SHANK2: variants seen among roughly 807,000 people sequenced by gnomAD.
SHANK2 encodes SH3 and multiple ankyrin repeat domains 2.
SHANK2 carries 43 observed loss-of-function variants against 133.7 expected under a neutral mutation model. The observed-to-expected ratio is 0.32, with a 90% CI of 0.25 to 0.41. SHANK2 has a LOEUF of 0.41. SHANK2 is among the 10% of genes least tolerant of loss of function. SHANK2 has a pLI of 1.00. For missense variants in SHANK2, 1,994 were observed against 2,235.8 expected (o/e 0.89, Z 2.18); for synonymous variants, 1,017 against 952.8 (o/e 1.07, Z -1.24).
At chr11:71,227,851 T>C (rs1001154178) in intron 1 of SHANK2, among the ~76,000 whole-genome samples, 4 of 151,794 alleles carry the variant, frequency 2.6e-5, no homozygotes, top group African/African-American at 7.3e-5. Flanking sequence ...CTCAAGAAGC[T>C]AGCAAAAGGA....
At chr11:70,599,947 GA>G (rs2060468188) in intron 17 of SHANK2, among the ~76,000 whole-genome samples, 1 of 131,484 alleles carries the variant, frequency 7.6e-6, no homozygotes, top group Non-Finnish European at 1.6e-5. Context: ...AAGAAAGAAA[GA>G]AAGAAAGAAA....
chr11:70,741,231 G>GCATCCATCCATCCATC (rs61208287), intron 14 of SHANK2, among the ~76,000 whole-genome samples: 2 of 143,190 alleles, frequency 1.4e-5, no homozygotes, highest in East Asian at 2.1e-4. Flanking sequence ...ATTTAACCAT[G>GCATCCATCCATCCATC]CATCCATCCA....
intron 9 of SHANK2, among the ~76,000 whole-genome samples, chr11:71,069,240 T>C (rs1013837677): frequency 1.8e-4 from 27 of 150,840 alleles, no homozygotes; most frequent in Admixed American, 1.7e-3. Flanking sequence ...ACCATCACCA[T>C]TACCATGGTT....
At chr11:71,087,480 T>A (rs947510240) in intron 8 of SHANK2, among the ~76,000 whole-genome samples, 3 of 152,134 alleles carry the variant, frequency 2.0e-5, no homozygotes, top group Admixed American at 6.6e-5. Context: ...TTAGCCTGCA[T>A]CACACCTTCA....
Position 70,827,642 on chromosome 11 carries a change from T to G in SHANK2, c.1175-6960A>C, listed in dbSNP as rs1488756736. Among the ~76,000 whole-genome samples, 156 of 144,382 alleles carry G rather than the reference T, an allele frequency of 1.1e-3. 2 individuals are homozygous for G. Among genetic ancestry groups the G allele is most frequent in the Admixed American group, 3.1e-3 (46 of 14,862 alleles). The allele number at this position is 144,382 out of a possible 152,430, so 94.7% of individuals were successfully genotyped here. A position where few individuals can be genotyped will look rare whatever the true frequency, so the allele number is the denominator to read the frequency against. On this transcript the variant is annotated intron_variant, in intron 11 of 25. Transcript: ENST00000601538. ...GTGTGCTGTGTGTGTGTGTGTGTTT[T>G]TTTTTTTTTTTTTTCTGGTTGCTAA...
In SHANK2 at chr11:70,473,585, TG is replaced by T. The variant is rs2058625484; in HGVS notation, c.4980-147del. On this transcript the variant is annotated intron_variant, in intron 25 of 25. Transcript: ENST00000601538. This position sits in a 1 kb window ranked among gnomAD's most constrained non-coding sequence, Gnocchi z 5.9. The stretch of plus-strand genomic sequence containing the variant: ...ATCCACTGGCAGTGAACGAATGATT[TG>T]CCATGCCAGGGTGGGGGAGGGGGAG... The T allele has an allele frequency of 4.4e-6, 3 of 689,392 alleles. No individual in the cohort carries two copies. The highest frequency in any genetic ancestry group is 3.0e-5 in the South Asian group (2 of 66,792). The allele number at this position is 689,392 out of a possible 1,614,324, so 42.7% of individuals were successfully genotyped here.
chr11:71,074,290 A>G (rs1951190402), intron 9 of SHANK2, among the ~76,000 whole-genome samples: 1 of 152,220 alleles, frequency 6.6e-6, no homozygotes, highest in African/African-American at 2.4e-5. Flanking sequence ...AGAGACCCGG[A>G]GAACAGCGAA....
chr11:71,130,351 G>A (rs1219792195), intron 3 of SHANK2, among the ~76,000 whole-genome samples: 1 of 152,182 alleles, frequency 6.6e-6, no homozygotes, highest in Non-Finnish European at 1.5e-5. Flanking sequence ...TATCCGGCCT[G>A]CCAGGGTCAC....
intron 10 of SHANK2, among the ~76,000 whole-genome samples, chr11:70,905,617 C>T (rs142388265): frequency 1.1e-4 from 17 of 152,108 alleles, no homozygotes; most frequent in African/African-American, 4.1e-4. Flanking sequence ...AGATTAGTGC[C>T]CTTGGAAAAG....
At chr11:70,743,571 TTCA>T (rs1156895364) in intron 14 of SHANK2, among the ~76,000 whole-genome samples, 1 of 152,196 alleles carries the variant, frequency 6.6e-6, no homozygotes, top group Non-Finnish European at 1.5e-5. Context: ...TGGGACTTTA[TTCA>T]TCAACATTTA....
At chr11:70,482,293 A>ATCGGCCGCAGGGTGACC (rs1321724457) in intron 25 of SHANK2, among the ~76,000 whole-genome samples, 1 of 151,220 alleles carries the variant, frequency 6.6e-6, no homozygotes, top group Non-Finnish European at 1.5e-5. Flanking sequence ...GCCTGCTGTT[A>ATCGGCCGCAGGGTGACC]TCGGCCGCAG....
chr11:70,729,588 G>T (rs1462592499), intron 14 of SHANK2, among the ~76,000 whole-genome samples: 1 of 150,236 alleles, frequency 6.7e-6, no homozygotes, highest in Non-Finnish European at 1.5e-5. Flanking sequence ...GCAGTGGTGC[G>T]ATCTCGGCTC....
chr11:71,151,198 T>A (rs1555108015), intron 2 of SHANK2, among the ~76,000 whole-genome samples: 1 of 152,064 alleles, frequency 6.6e-6, no homozygotes, highest in African/African-American at 2.4e-5. Flanking sequence ...GTGGACCCTG[T>A]GCTAGTGTTT....
chr11:71,094,184 C>T (rs977684805), intron 7 of SHANK2, among the ~76,000 whole-genome samples: 3 of 152,136 alleles, frequency 2.0e-5, no homozygotes, highest in Non-Finnish European at 4.4e-5. Context: ...GGCTTAACAC[C>T]ACCCACTCAG....
At chr11:70,754,330 T>C (rs1946818598) in intron 14 of SHANK2, among the ~76,000 whole-genome samples, 1 of 152,044 alleles carries the variant, frequency 6.6e-6, no homozygotes, top group African/African-American at 2.4e-5. Flanking sequence ...TACACCAACA[T>C]CCCTCAGGAA....
intron 14 of SHANK2, among the ~76,000 whole-genome samples, chr11:70,710,113 C>T (rs1196987492): frequency 3.9e-5 from 6 of 152,268 alleles, no homozygotes; most frequent in East Asian, 3.9e-4. Context: ...ACTGAAAACC[C>T]CTGTCCTGAG....
intron 1 of SHANK2, among the ~76,000 whole-genome samples, chr11:71,244,857 C>T (rs1444947592): frequency 6.6e-6 from 1 of 152,164 alleles, no homozygotes; most frequent in Non-Finnish European, 1.5e-5. Flanking sequence ...GTGTGCCCCA[C>T]TGTGCCTGGC....
chr11:70,507,444 G>T (rs1379121644), intron 17 of SHANK2, among the ~76,000 whole-genome samples: 1 of 152,212 alleles, frequency 6.6e-6, no homozygotes, highest in Non-Finnish European at 1.5e-5. Context: ...CCAGTCTCCT[G>T]TGTCAGAGCT....
intron 8 of SHANK2, among the ~76,000 whole-genome samples, chr11:71,085,593 A>AT (rs1565441436): frequency 1.2e-5 from 1 of 81,198 alleles, no homozygotes; most frequent in African/African-American, 5.3e-5. Context: ...TATATTATAT[A>AT]ATATATATAT....
Sources: allele counts gnomAD v4.1 joint callset (sites outside exome capture counted in the v4.1 genomes callset), GRCh38; gene constraint gnomAD v4.1.1; non-coding constraint Gnocchi (gnomAD v3.1); transcripts MANE v1.5; gene names NCBI Gene and HGNC (gene_info 2026-07-23, HGNC 2026-07-21).